The following LRGUK variants were observed in gnomAD, a reference collection of about 807,000 sequenced individuals.
LRGUK encodes leucine rich repeats and guanylate kinase domain containing.
LRGUK carries 65 observed loss-of-function variants against 76.0 expected under a neutral mutation model. That is an observed-to-expected ratio of 0.85 (90% CI 0.70 to 1.05). The LOEUF (loss-of-function observed/expected upper bound fraction) is 1.05. LRGUK is among the 50% of genes least tolerant of loss of function. The probability of loss-of-function intolerance (pLI) is 0.00; values close to 1 mark genes in which losing one functional copy is unlikely to be tolerated. For missense variants in LRGUK, 758 were observed against 732.8 expected (o/e 1.03, Z -0.40); for synonymous variants, 268 against 265.6 (o/e 1.01, Z -0.09).
At chr7:134,211,475 G>T (rs1801268258), downstream of LRGUK, among the ~76,000 whole-genome samples, 1 of 152,210 alleles carries the variant, frequency 6.6e-6, no homozygotes, top group Non-Finnish European at 1.5e-5. Flanking sequence ...GTTCCTGGAG[G>T]TTCCAAACCT....
intron 2 of LRGUK, among the ~76,000 whole-genome samples, chr7:134,138,205 A>G (rs542832016): frequency 6.6e-6 from 1 of 152,142 alleles, no homozygotes; most frequent in Non-Finnish European, 1.5e-5. Context: ...TCAATATTCT[A>G]CTTCTGTAGG....
chr7:134,200,718 A>G lies in LRGUK; in HGVS notation c.1748-763A>G, dbSNP rs138727482. Among the ~76,000 whole-genome samples the G allele has an allele frequency of 7.9e-5, 12 of 152,362 alleles. 1 individual carries two copies. The highest frequency in any genetic ancestry group is 2.9e-4 in the African/African-American group (12 of 41,590). ...AATAATAGTTTTTGGTCTCTGAAAC[A>G]TGTTAAAGTATTACACAGTTGAATT... is the stretch of plus-strand genomic sequence containing the variant. On this transcript the variant is annotated intron_variant, in intron 14 of 15. Coordinates refer to ENST00000645682, the Ensembl canonical transcript of LRGUK.
intron 11 of LRGUK, among the ~76,000 whole-genome samples, chr7:134,184,494 C>T (rs1384501388): frequency 2.6e-5 from 4 of 152,056 alleles, no homozygotes; most frequent in African/African-American, 9.7e-5. Context: ...TAGTCTCGAT[C>T]TCCTGACCTC....
At chr7:134,269,565 G>A (rs1054990344), downstream of LRGUK, among the ~76,000 whole-genome samples, 2 of 151,800 alleles carry the variant, frequency 1.3e-5, no homozygotes, top group Non-Finnish European at 2.9e-5. Context: ...GTCCAGGTTG[G>A]TCTTAAACTC....
chr7:134,209,159 C>T (rs770646375), exon 16 of LRGUK: 13 of 399,280 alleles, frequency 3.3e-5, no homozygotes, highest in Non-Finnish European at 4.4e-5. Context: ...TCCCTCGTCC[C>T]GCAGCCCTCA....
chr7:134,268,830 C>T (rs977741632), downstream of LRGUK, among the ~76,000 whole-genome samples: 14 of 145,864 alleles, frequency 9.6e-5, no homozygotes, highest in East Asian at 2.1e-4. Context: ...CCTGGGTCCA[C>T]GCCATTCTCC....
chr7:134,237,538 AGT>A (rs1802045552), intron 16 of LRGUK, among the ~76,000 whole-genome samples: 1 of 152,204 alleles, frequency 6.6e-6, no homozygotes, highest in African/African-American at 2.4e-5. Context: ...AGCCTTTTCA[AGT>A]TGGCATCTGT....
intron 12 of LRGUK, among the ~76,000 whole-genome samples, chr7:134,196,316 T>C (rs1800486341): frequency 6.6e-6 from 1 of 152,008 alleles, no homozygotes; most frequent in South Asian, 2.1e-4. Context: ...CTTTTTTTTT[T>C]CCCAAGGGAA....
At chr7:134,251,097 C>T (rs1366449742) in intron 18 of LRGUK, among the ~76,000 whole-genome samples, 3 of 152,128 alleles carry the variant, frequency 2.0e-5, no homozygotes, top group Non-Finnish European at 4.4e-5. Flanking sequence ...ATGGTTTGAG[C>T]TGTCCCCCAT....
intron 15 of LRGUK, among the ~76,000 whole-genome samples, chr7:134,220,248 A>G (rs1453367398): frequency 6.6e-6 from 1 of 152,192 alleles, no homozygotes; most frequent in Non-Finnish European, 1.5e-5. Context: ...TTCTTTTGAT[A>G]TAGTCCTCGC....
At chr7:134,182,751 T>G (rs530886929) in intron 10 of LRGUK, among the ~76,000 whole-genome samples, 745 of 151,870 alleles carry the variant, frequency 4.9e-3, no homozygotes, top group Non-Finnish European at 7.2e-3. Context: ...GAGATTTTAT[T>G]ATTATGATGA....
At chr7:134,214,710 GTAT>G (rs1330638179), downstream of LRGUK, among the ~76,000 whole-genome samples, 1 of 150,602 alleles carries the variant, frequency 6.6e-6, no homozygotes, top group Non-Finnish European at 1.5e-5. Context: ...ATGCTTTTTA[GTAT>G]TTTTTAAATT....
rs1164073376 is a variant in LRGUK, at chr7:134,163,401, A to G, written c.800A>G (p.Asn267Ser). 2 of 1,611,006 alleles carry G rather than the reference A, an allele frequency of 1.2e-6. No individual in the cohort carries two copies. Among genetic ancestry groups the G allele is most frequent in the East Asian group, 2.2e-5 (1 of 44,844 alleles). The change falls in exon 7 of 16, where the codon AAT becomes AGT. Residue 267 changes from asparagine to serine, a missense_variant. Physicochemically the swap from Asn to Ser is conservative, Grantham distance 46 (BLOSUM62 1). Transcript: ENST00000645682. Reference sequence around the variant, plus strand: ...ATATATTTTTTTCTGTTTTAGAGCAATAACCAGATTGAGATGATCACAGGT... The same window carrying G: ...ATATATTTTTTTCTGTTTTAGAGCAGTAACCAGATTGAGATGATCACAGGT...
intron 16 of LRGUK, among the ~76,000 whole-genome samples, chr7:134,234,525 TATA>T (rs2117180568): frequency 6.6e-6 from 1 of 152,334 alleles, no homozygotes; most frequent in East Asian, 1.9e-4. Context: ...GAATAGATTA[TATA>T]ATGACTATCT....
chr7:134,168,912 G>C (rs1438677602), intron 7 of LRGUK, among the ~76,000 whole-genome samples: 3 of 152,100 alleles, frequency 2.0e-5, no homozygotes, highest in Non-Finnish European at 4.4e-5. Context: ...GCAAGCCCTG[G>C]CCATGGAGCC....
In LRGUK at chr7:134,137,012, GTT is replaced by G; in HGVS notation, c.298-6_298-5del. 1 of 1,600,958 alleles carries G rather than the reference GTT, an allele frequency of 6.2e-7. No individual in the cohort carries two copies. The highest frequency in any genetic ancestry group is 8.6e-7 in the Non-Finnish European group (1 of 1,169,582). ...ATCTTTTCTTTGTCTACCTTTCTGG[GTT>G]TTTTACAGGAGGAATTTGATGGGGT... On this transcript the variant is annotated splice_polypyrimidine_tract_variant and intron_variant, in intron 1 of 15. Transcript: ENST00000645682.
At chr7:134,186,821 A>C (rs759958913) in intron 11 of LRGUK, among the ~76,000 whole-genome samples, 2 of 152,194 alleles carry the variant, frequency 1.3e-5, no homozygotes, top group Non-Finnish European at 2.9e-5. Flanking sequence ...CAAGATGGCA[A>C]AACAGAATCC....
At chr7:134,208,060 A>G (rs1801080160) in intron 15 of LRGUK, among the ~76,000 whole-genome samples, 2 of 152,246 alleles carry the variant, frequency 1.3e-5, no homozygotes, top group South Asian at 4.1e-4. Context: ...GCCCAAGAGG[A>G]GGCCTGGGGA....
intron 4 of LRGUK, among the ~76,000 whole-genome samples, chr7:134,145,333 T>A (rs1797924792): frequency 6.6e-6 from 1 of 152,058 alleles, no homozygotes. Context: ...CCGCAACCTC[T>A]GCCTCCCAGG....
Sources: gnomAD v4.1 joint callset for allele counts (sites outside exome capture counted in the v4.1 genomes callset) on GRCh38, gnomAD v4.1.1 for gene constraint, MANE v1.5 for transcripts, NCBI Gene and HGNC (gene_info 2026-07-23, HGNC 2026-07-21) for gene names.